The following SEC61A1 variants were observed in gnomAD, a reference collection of about 807,000 sequenced individuals.
SEC61A1 encodes SEC61 translocon subunit alpha 1.
A neutral mutation model predicts 55.2 loss-of-function variants in SEC61A1; 15 were observed. The observed-to-expected ratio is 0.27, with a 90% confidence interval of 0.18 to 0.42. The LOEUF is 0.42. Ranked by LOEUF, SEC61A1 falls within the 10% of genes least tolerant of loss-of-function variation. SEC61A1 has a pLI of 1.00. For missense variants in SEC61A1, 284 were observed against 602.6 expected, an observed-to-expected ratio of 0.47 and a Z score of 5.53; for synonymous variants, 247 against 234.0, an observed-to-expected ratio of 1.06 and a Z score of -0.51.
intron 8 of SEC61A1, among the ~76,000 whole-genome samples, chr3:128,066,281 TAG>T (rs1369664491): frequency 6.6e-6 from 1 of 152,070 alleles, no homozygotes; most frequent in Non-Finnish European, 1.5e-5. Flanking sequence ...CATCACCAGC[TAG>T]AGAGAAGCGC....
chr3:128,063,562 C>G (rs544776321), intron 7 of SEC61A1, among the ~76,000 whole-genome samples: 1 of 152,162 alleles, frequency 6.6e-6, no homozygotes, highest in Non-Finnish European at 1.5e-5. Flanking sequence ...GTCTTGAACT[C>G]CTGACCTTGT....
At chr3:128,066,398 G>A (rs1240623076) in intron 8 of SEC61A1, among the ~76,000 whole-genome samples, 4 of 152,014 alleles carry the variant, frequency 2.6e-5, no homozygotes, top group Non-Finnish European at 4.4e-5. Context: ...AAGTGGGGGT[G>A]GGGATCATTC....
chr3:128,053,720 T>G (rs2107640447), intron 2 of SEC61A1, among the ~76,000 whole-genome samples: 1 of 152,320 alleles, frequency 6.6e-6, no homozygotes, highest in East Asian at 1.9e-4. Flanking sequence ...CCCCCTCAAT[T>G]CCAGTGTAGC....
chr3:128,071,262 C>T lies in SEC61A1; in HGVS notation c.*1600C>T, dbSNP rs1942159536. 1 of 152,506 alleles carries T rather than the reference C, an allele frequency of 6.6e-6. No homozygotes were observed. The highest frequency in any genetic ancestry group is 1.5e-5 in the Non-Finnish European group (1 of 68,248). The allele number at this position is 152,506 out of a possible 1,614,324, so 9.4% of individuals were successfully genotyped here. The stretch of plus-strand genomic sequence containing the variant: ...CTCCATATGGCCCAGGGCTTACCAC[C>T]CTATCACACGTGGCCTTGTCTAGAC... On this transcript the variant is annotated 3_prime_UTR_variant, in exon 12 of 12. Coordinates refer to ENST00000243253, the MANE Select transcript of SEC61A1 (RefSeq NM_013336.4).
intron 7 of SEC61A1, among the ~76,000 whole-genome samples, chr3:128,062,102 C>T (rs1029191544): frequency 6.6e-6 from 1 of 152,218 alleles, no homozygotes; most frequent in Non-Finnish European, 1.5e-5. Flanking sequence ...ACCAGAGAGG[C>T]ACTTTCAAGG....
chr3:128,067,735 G>A lies in SEC61A1; in HGVS notation c.1167+123G>A. Reference sequence around the variant, plus strand: ...GTGCAGATAGATCGTCGTCCTTTAGGGGGCAGTTCAGAAGCTTTAAGGGCT... The same window carrying A: ...GTGCAGATAGATCGTCGTCCTTTAGAGGGCAGTTCAGAAGCTTTAAGGGCT... On this transcript the variant is annotated intron_variant, in intron 10 of 11. Transcript: ENST00000243253. This position sits in a 1 kb window ranked among gnomAD's most constrained non-coding sequence, Gnocchi z 4.1. 2 of 827,638 alleles carry A rather than the reference G, an allele frequency of 2.4e-6. No individual in the cohort carries two copies. Among genetic ancestry groups the A allele is most frequent in the Non-Finnish European group, 3.8e-6 (2 of 530,518 alleles). The allele number at this position is 827,638 out of a possible 1,614,324, so 51.3% of individuals were successfully genotyped here. A position where few individuals can be genotyped will look rare whatever the true frequency, so the allele number is the denominator to read the frequency against.
chr3:128,068,659 G>C (rs1175203266), intron 11 of SEC61A1: 1 of 154,242 alleles, frequency 6.5e-6, no homozygotes, highest in Non-Finnish European at 1.4e-5. Flanking sequence ...GTGAGAGTTT[G>C]GGCCAGAGGT....
intron 5 of SEC61A1, among the ~76,000 whole-genome samples, chr3:128,058,665 A>G (rs1225732510): frequency 6.6e-6 from 1 of 152,142 alleles, no homozygotes; most frequent in Admixed American, 6.5e-5. Context: ...GTTCGTGACT[A>G]GCCTGGGTAA....
rs1372444758 is a variant in SEC61A1, at chr3:128,065,268, C to A, written c.777+231C>A. On this transcript the variant is annotated intron_variant, in intron 8 of 11. Transcript: ENST00000243253. ...AAGGCAGTTCTAACGTAAGTGAAAT[C>A]ATGTTCTTCTGGGTTGGGCCTATCG... 8.0e-6 allele frequency: 5 copies of A among 622,070 alleles called. No homozygotes were observed. The Admixed American group carries it at 1.4e-4, about 17-fold the overall frequency. 38.5% of individuals were successfully genotyped at this position (622,070 alleles called of 1,614,324 possible). A position where few individuals can be genotyped will look rare whatever the true frequency, so the allele number is the denominator to read the frequency against.
chr3:128,054,742 T>C (rs888215004), intron 2 of SEC61A1, among the ~76,000 whole-genome samples: 32 of 152,246 alleles, frequency 2.1e-4, no homozygotes, highest in African/African-American at 7.7e-4. Context: ...AAGCCATTAA[T>C]GTAGTGTAGG....
chr3:128,057,963 T>A (rs1001604048), intron 5 of SEC61A1, among the ~76,000 whole-genome samples: 3 of 152,156 alleles, frequency 2.0e-5, no homozygotes, highest in African/African-American at 7.2e-5. Context: ...AGCTCTTATG[T>A]TTCACTTTCT....
chr3:128,066,629 G>A, intron 8 of SEC61A1: 1 of 346,204 alleles, frequency 2.9e-6, no homozygotes, highest in South Asian at 4.4e-5. Context: ...TGACTGTGTT[G>A]CCCAGGCTGG....
intron 4 of SEC61A1, among the ~76,000 whole-genome samples, chr3:128,056,505 T>C (rs574004022): frequency 3.3e-5 from 5 of 152,388 alleles, no homozygotes; most frequent in Admixed American, 2.6e-4. Context: ...CAGAATAAGC[T>C]GTTGCCTGGC....
rs1336152240 is a variant in SEC61A1, at chr3:128,052,501, C to G, written c.-52C>G. 3 of 1,577,052 alleles carry G rather than the reference C, an allele frequency of 1.9e-6. No homozygotes were observed. The highest frequency in any genetic ancestry group is 1.7e-4 in the Middle Eastern group (1 of 5,868). ...CTGGGCCGCGGGCAGCGTCGCCTCA[C>G]GCGGAGCAGAGCTGAGCTGAAGCGG... is the stretch of plus-strand genomic sequence containing the variant. On this transcript the variant is annotated 5_prime_UTR_variant, in exon 1 of 12. Transcript: ENST00000243253.
At chr3:128,063,824 G>A (rs61317516) in intron 7 of SEC61A1, among the ~76,000 whole-genome samples, 4 of 152,132 alleles carry the variant, frequency 2.6e-5, no homozygotes, top group African/African-American at 7.2e-5. Context: ...TCTTTTTTTC[G>A]CTTTTTAGTT....
At chr3:128,062,606 G>A (rs778802609) in intron 7 of SEC61A1, among the ~76,000 whole-genome samples, 2 of 152,210 alleles carry the variant, frequency 1.3e-5, no homozygotes, top group Non-Finnish European at 2.9e-5. Flanking sequence ...AGAAGCCACA[G>A]CAGAGGAGGT....
At chr3:128,055,407 G>A (rs1396774828) in intron 2 of SEC61A1, 109 bp from the exon 3 acceptor site, 1 of 857,450 alleles carries the variant, frequency 1.2e-6, no homozygotes, top group Non-Finnish European at 2.0e-6. Context: ...ACAGAGAAAA[G>A]AGTCTGGTTG....
chr3:128,052,556 G>T lies in SEC61A1; in HGVS notation c.4G>T (p.Ala2Ser), dbSNP rs769875729. 1.2e-6 allele frequency: 2 copies of T among 1,600,660 alleles called. No homozygotes were observed. Among genetic ancestry groups the T allele is most frequent in the Non-Finnish European group, 8.5e-7 (1 of 1,174,510 alleles). M[A>S]IKFLEVIKPF... ...CGGAGCCCGAGCAGCCGCCGCCATG[G>T]CAAGTGAGTCCTGTAGGGAAGCCCT... is the stretch of plus-strand genomic sequence containing the variant. The change falls in exon 1 of 12, where the codon GCA (alanine) becomes TCA (serine). Residue 2 changes from alanine (A) to serine (S), a missense_variant. By Grantham distance (99) the Ala-to-Ser change is moderately conservative. Transcript: ENST00000243253.
At chr3:128,052,355 T>C (rs901824313), upstream of SEC61A1, 57 of 811,058 alleles carry the variant, frequency 7.0e-5, no homozygotes, top group South Asian at 3.6e-4. Context: ...CGGGCGCGCG[T>C]GGCAGGAAGC....
Sources: gnomAD v4.1 joint callset for allele counts (sites outside exome capture counted in the v4.1 genomes callset) on GRCh38, gnomAD v4.1.1 for gene constraint, Gnocchi (gnomAD v3.1) non-coding constraint, MANE v1.5 for transcripts, NCBI Gene and HGNC (gene_info 2026-07-23, HGNC 2026-07-21) for gene names.